Variants in TMOD1 observed in about 807,000 individuals in gnomAD.
TMOD1 encodes the protein tropomodulin-1.
A neutral mutation model predicts 40.6 loss-of-function variants in TMOD1; 17 were observed. That is an observed-to-expected ratio of 0.42 (90% CI 0.29 to 0.63). The LOEUF (loss-of-function observed/expected upper bound fraction) is 0.63, where lower values mean the gene tolerates loss of function less well. Ranked by LOEUF, TMOD1 falls within the 20% of genes least tolerant of loss-of-function variation. TMOD1 has a pLI of 0.22. For missense variants in TMOD1, 391 were observed against 447.6 expected, an observed-to-expected ratio of 0.87 and a Z score of 1.14; for synonymous variants, 181 against 175.0, an observed-to-expected ratio of 1.03 and a Z score of -0.27.
At position 97,601,534 on chromosome 9, in the gene TMOD1, A is replaced by G; in HGVS notation, c.*1836A>G. 1 of 989,366 alleles carries G rather than the reference A, an allele frequency of 1.0e-6. No individual in the cohort carries two copies. Among genetic ancestry groups the G allele is most frequent in the South Asian group, 4.6e-5 (1 of 21,934 alleles). 61.3% of individuals were successfully genotyped at this position (989,366 alleles called of 1,614,324 possible). A position where few individuals can be genotyped will look rare whatever the true frequency, so the allele number is the denominator to read the frequency against. On this transcript the variant is annotated 3_prime_UTR_variant, in exon 10 of 10. Transcript: ENST00000259365. ...AAACCAAACCAACAGAAAATGAAGAAGGCCACATCTTTAAGGCCACCTCTG... is the reference window on the plus strand; with the variant it reads ...AAACCAAACCAACAGAAAATGAAGAGGGCCACATCTTTAAGGCCACCTCTG...
intron 8 of TMOD1, among the ~76,000 whole-genome samples, chr9:97,584,719 C>T (rs981089074): frequency 6.6e-5 from 10 of 151,906 alleles, no homozygotes; most frequent in Admixed American, 2.0e-4. Context: ...GGATAGTTAG[C>T]TCTTCTTGTT....
At chr9:97,521,107 G>A (rs961487942) in intron 1 of TMOD1, among the ~76,000 whole-genome samples, 2 of 152,170 alleles carry the variant, frequency 1.3e-5, no homozygotes, top group Admixed American at 6.5e-5. Context: ...TCCTGTCCTT[G>A]TGTCCCTTCT....
chr9:97,599,323 C>T (rs537187368), intron 9 of TMOD1, among the ~76,000 whole-genome samples: 33 of 152,274 alleles, frequency 2.2e-4, no homozygotes, highest in Non-Finnish European at 2.1e-4. Context: ...TATCTGAACA[C>T]CGGAGTAAAG....
At position 97,591,123 on chromosome 9, in the gene TMOD1, C is replaced by T. The variant is rs1170631905; in HGVS notation, c.871-168C>T. ...GAATCCCAGCTCATTTGCTCCTGGCCGTGTGACCTTTCAACTTCTCTAAAC... is the reference window on the plus strand; with the variant it reads ...GAATCCCAGCTCATTTGCTCCTGGCTGTGTGACCTTTCAACTTCTCTAAAC... On this transcript the variant is annotated intron_variant, in intron 8 of 9. Transcript: ENST00000259365. Among the ~76,000 whole-genome samples, 3 of 152,194 alleles carry T rather than the reference C, an allele frequency of 2.0e-5. No individual in the cohort carries two copies. In the East Asian group the frequency reaches 5.8e-4, roughly 29 times the overall value.
chr9:97,572,198 G>A (rs1020646986), intron 8 of TMOD1, among the ~76,000 whole-genome samples: 2 of 152,166 alleles, frequency 1.3e-5, no homozygotes, highest in African/African-American at 4.8e-5. Context: ...AGGTGACATG[G>A]AGGCCATGGC....
At position 97,524,304 on chromosome 9, in the gene TMOD1, C is replaced by T; in HGVS notation, c.116C>T (p.Pro39Leu). ...TLENELDELD[P>L]DNALLPAGLR... is the part of the protein sequence containing the mutation. ...GAAAATGAGCTGGATGAGCTGGACC[C>T]TGATGTGAGTAGGTGCTAAAGGGAA... is the stretch of plus-strand genomic sequence containing the variant. Residue 39 changes from proline (P) to leucine (L), a missense_variant, in exon 2 of 10, where the codon CCT becomes CTT. Pro to Leu is a moderately conservative substitution (Grantham distance 98). Coordinates refer to ENST00000259365, the MANE Select transcript of TMOD1 (RefSeq NM_003275.4). The T allele has an allele frequency of 1.2e-6, 2 of 1,613,980 alleles. No homozygotes were observed. The highest frequency in any genetic ancestry group is 1.7e-6 in the Non-Finnish European group (2 of 1,179,914).
chr9:97,547,904 A>G (rs1830390710), intron 3 of TMOD1, among the ~76,000 whole-genome samples: 1 of 152,224 alleles, frequency 6.6e-6, no homozygotes, highest in Admixed American at 6.5e-5. Flanking sequence ...CCTGCCATAT[A>G]GTAGGGGTGA....
intron 8 of TMOD1, among the ~76,000 whole-genome samples, chr9:97,586,845 T>C (rs548190415): frequency 1.7e-4 from 26 of 152,350 alleles, no homozygotes; most frequent in Middle Eastern, 6.8e-3. Context: ...GGTGAGGCAA[T>C]GCCTCGCCCT....
chr9:97,580,586 A>G (rs955959352), intron 8 of TMOD1, among the ~76,000 whole-genome samples: 3 of 150,660 alleles, frequency 2.0e-5, no homozygotes, highest in Non-Finnish European at 3.0e-5. Flanking sequence ...AGCCTGGGCA[A>G]CAGAGTGAGA....
chr9:97,600,657 G>A lies in TMOD1; in HGVS notation c.*959G>A, dbSNP rs1826236664. Reference sequence around the variant, plus strand: ...CAGCTACTGATCTCATCACTTATTAGACAAATTGCTGCTGACCTTACGCCT... The same window carrying A: ...CAGCTACTGATCTCATCACTTATTAAACAAATTGCTGCTGACCTTACGCCT... On this transcript the variant is annotated 3_prime_UTR_variant, in exon 10 of 10. Transcript: ENST00000259365. The A allele has an allele frequency of 1.1e-5, 11 of 991,482 alleles. No individual in the cohort carries two copies. The highest frequency in any genetic ancestry group is 1.3e-5 in the Non-Finnish European group (11 of 833,728). 61.4% of individuals were successfully genotyped at this position (991,482 alleles called of 1,614,324 possible).
At chr9:97,529,261 G>C (rs1830063153) in intron 2 of TMOD1, among the ~76,000 whole-genome samples, 1 of 152,104 alleles carries the variant, frequency 6.6e-6, no homozygotes, top group South Asian at 2.1e-4. Context: ...TCTGGACTTG[G>C]GTACGTGATT....
rs921405701 is a variant in TMOD1 at position 97,574,657 on chromosome 9, G to A, written c.870+5620G>A. On this transcript the variant is annotated intron_variant, in intron 8 of 9. Transcript: ENST00000259365. Reference sequence around the variant, plus strand: ...GGCTCCTGAGTCTGGTGGGGACTTGGAGAATCTTTATGTCTGGCTAAGGGA... The same window carrying A: ...GGCTCCTGAGTCTGGTGGGGACTTGAAGAATCTTTATGTCTGGCTAAGGGA... Among the ~76,000 whole-genome samples, 4 of 152,386 alleles carry A rather than the reference G, an allele frequency of 2.6e-5. No individual in the cohort carries two copies. The East Asian group carries it at 5.8e-4, about 22-fold the overall frequency.
At chr9:97,548,594 T>C (rs1213872413) in intron 3 of TMOD1, among the ~76,000 whole-genome samples, 1 of 151,936 alleles carries the variant, frequency 6.6e-6, no homozygotes, top group Non-Finnish European at 1.5e-5. Flanking sequence ...ACCTGGAGGA[T>C]GGTGTGAGGG....
chr9:97,565,854 C>A lies in TMOD1; in HGVS notation c.625C>A (p.Pro209Thr). 1 of 1,613,844 alleles carries A rather than the reference C, an allele frequency of 6.2e-7. No individual in the cohort carries two copies. Among genetic ancestry groups the A allele is most frequent in the South Asian group, 1.1e-5 (1 of 91,026 alleles). Residue 209 changes from proline to threonine, a missense_variant, in exon 7 of 10, where the codon CCC becomes ACC. Transcript: ENST00000259365. Reference protein sequence around the residue: ...EVNLNNIRNIPIPTLKAYAEA... With the variant: ...EVNLNNIRNITIPTLKAYAEA... ...GTTGCCTTTCTTTGTGCAGAATATC[C>A]CCATCCCCACCCTCAAGGCATATGC...
At chr9:97,526,078 T>C (rs889944472) in intron 2 of TMOD1, among the ~76,000 whole-genome samples, 1 of 152,214 alleles carries the variant, frequency 6.6e-6, no homozygotes, top group Non-Finnish European at 1.5e-5. Flanking sequence ...TTCTGGAGAA[T>C]GTTGCCCCGG....
chr9:97,593,068 A>C (rs148835149), intron 9 of TMOD1, among the ~76,000 whole-genome samples: 7 of 152,352 alleles, frequency 4.6e-5, no homozygotes, highest in Non-Finnish European at 8.8e-5. Context: ...AGCACGGAGA[A>C]GCCTTGCGTT....
At chr9:97,599,597 G>GAA in intron 9 of TMOD1, 37 bp from the exon 10 acceptor site, 1 of 1,613,810 alleles carries the variant, frequency 6.2e-7, no homozygotes, top group Non-Finnish European at 8.5e-7. Context: ...GGTCTACAGG[G>GAA]AAAAGTGCCT....
intron 1 of TMOD1, among the ~76,000 whole-genome samples, chr9:97,523,713 G>A (rs535352006): frequency 2.6e-4 from 39 of 152,084 alleles, no homozygotes; most frequent in African/African-American, 9.2e-4. Flanking sequence ...TGCAGTAGGT[G>A]CTTAATTAAC....
chr9:97,559,810 T>A (rs1343939454), intron 4 of TMOD1, among the ~76,000 whole-genome samples: 2 of 46,790 alleles, frequency 4.3e-5, no homozygotes, highest in African/African-American at 8.6e-5. Context: ...TATATATATA[T>A]ATATATATAT....
Sources: gnomAD v4.1 joint callset for allele counts (sites outside exome capture counted in the v4.1 genomes callset) on GRCh38, gnomAD v4.1.1 for gene constraint, MANE v1.5 for transcripts, NCBI Gene and HGNC (gene_info 2026-07-23, HGNC 2026-07-21) for gene names.